Variants in MYH9 observed in about 807,000 individuals in gnomAD.
The protein encoded by MYH9 is myosin heavy chain 9, also known as myosin-9.
In MYH9, 29 loss-of-function variants were observed where a neutral mutation model predicts 241.9. The observed-to-expected ratio is 0.12, with a 90% confidence interval of 0.09 to 0.16. The LOEUF (loss-of-function observed/expected upper bound fraction) is 0.16, where lower values mean the gene tolerates loss of function less well. Among genes scored for constraint, MYH9 ranks in the 10% least tolerant of loss-of-function variants. MYH9 has a pLI of 1.00. For missense variants in MYH9, 1,803 were observed against 2,595.5 expected (o/e 0.69, Z 6.63); for synonymous variants, 1,047 against 1,062.6 (o/e 0.99, Z 0.29).
At chr22:36,347,890 T>G (rs1204121344) in intron 2 of MYH9, among the ~76,000 whole-genome samples, 1 of 150,544 alleles carries the variant, frequency 6.6e-6, no homozygotes, top group Non-Finnish European at 1.5e-5. Flanking sequence ...GATCCAGTGA[T>G]GCAAGAGGAA....
At position 36,327,449 on chromosome 22, in the gene MYH9, A is replaced by G. The variant is rs767871295; in HGVS notation, c.518+12T>C. On this transcript the variant is annotated intron_variant, in intron 4 of 40. Coordinates refer to ENST00000216181, the MANE Select transcript of MYH9 (RefSeq NM_002473.6). ...GTGAAACGAACCACTACCCAGACGG[A>G]GAAATACTTACGTGCACAAGATGGA... 6.2e-7 allele frequency: 1 copy of G among 1,614,050 alleles called. No homozygotes were observed. The highest frequency in any genetic ancestry group is 1.7e-5 in the Admixed American group (1 of 60,028).
At chr22:36,367,428 AT>A in intron 1 of MYH9, among the ~76,000 whole-genome samples, 1 of 152,328 alleles carries the variant, frequency 6.6e-6, no homozygotes, top group East Asian at 1.9e-4. Flanking sequence ...CCCTGGACAT[AT>A]AGAAGGCATG....
chr22:36,350,664 T>C (rs1223732151), intron 1 of MYH9, among the ~76,000 whole-genome samples: 2 of 152,202 alleles, frequency 1.3e-5, no homozygotes, highest in Non-Finnish European at 2.9e-5. Context: ...CCAGGTAAGG[T>C]ATATATTATT....
chr22:36,291,329 G>A (rs2016698614), intron 31 of MYH9, among the ~76,000 whole-genome samples: 1 of 152,214 alleles, frequency 6.6e-6, no homozygotes, highest in Non-Finnish European at 1.5e-5. Flanking sequence ...ATTTTGTTGT[G>A]TACAAGAAAA....
intron 4 of MYH9, 73 bp from the exon 5 acceptor site, chr22:36,326,734 C>G: frequency 7.9e-7 from 1 of 1,263,314 alleles, no homozygotes; most frequent in South Asian, 1.2e-5. Context: ...TCCCACTGCA[C>G]GCTCCACTGC....
Position 36,349,183 on chromosome 22 carries a change from G to C in MYH9, c.54C>G (p.Asn18Lys), listed in dbSNP as rs748468366. The C allele has an allele frequency of 1.9e-6, 3 of 1,614,108 alleles. No individual in the cohort carries two copies. The highest frequency in any genetic ancestry group is 2.5e-6 in the Non-Finnish European group (3 of 1,180,044). Residue 18 changes from asparagine (N) to lysine (K), a missense_variant, in exon 2 of 41, where the codon AAC becomes AAG. Coordinates refer to ENST00000216181, the MANE Select transcript of MYH9 (RefSeq NM_002473.6). ...KYLYVDKNFI[N>K]NPLAQADWAA... is the part of the protein sequence containing the mutation. The stretch of plus-strand genomic sequence containing the variant: ...CCCAGTCGGCCTGGGCCAGCGGATT[G>C]TTGATGAAGTTTTTATCCACATAGA...
In MYH9 at chr22:36,286,821, T is replaced by C. The variant is rs780486984; in HGVS notation, c.4958A>G (p.Glu1653Gly). 1 of 1,610,266 alleles carries C rather than the reference T, an allele frequency of 6.2e-7. No homozygotes were observed. The highest frequency in any genetic ancestry group is 1.7e-5 in the Admixed American group (1 of 60,024). Residue 1653 changes from glutamate to glycine, a missense_variant, in exon 35 of 41, where the codon GAG (glutamate) becomes GGG (glycine). By Grantham distance (98) the Glu-to-Gly change is moderately conservative. This residue lies in a region of MYH9 where 876 missense variants were observed against 1,077.8 expected (regional missense o/e 0.81). Coordinates refer to ENST00000216181, the MANE Select transcript of MYH9 (RefSeq NM_002473.6). Reference protein sequence around the residue: ...LQAQMKDCMRELDDTRASREE... With the variant: ...LQAQMKDCMRGLDDTRASREE... ...ACGAGAGGCGCGGGTGTCATCCAGC[T>C]CGCGCATGCAGTCCTTCATCTGGGC...
intron 1 of MYH9, among the ~76,000 whole-genome samples, chr22:36,366,331 T>C (rs955583235): frequency 6.6e-6 from 1 of 151,566 alleles, no homozygotes; most frequent in Non-Finnish European, 1.5e-5. Flanking sequence ...TAAGATCACA[T>C]AGCCAGGCCA....
At chr22:36,383,822 T>C (rs2018296369) in intron 1 of MYH9, among the ~76,000 whole-genome samples, 1 of 151,866 alleles carries the variant, frequency 6.6e-6, no homozygotes, top group Non-Finnish European at 1.5e-5. Context: ...TAGCCACGCA[T>C]GGTGGCGGGC....
intron 1 of MYH9, among the ~76,000 whole-genome samples, chr22:36,355,457 C>G (rs1392190904): frequency 6.6e-6 from 1 of 152,154 alleles, no homozygotes; most frequent in African/African-American, 2.4e-5. Flanking sequence ...AAATGAACAG[C>G]TAGCACCTTA....
At position 36,293,460 on chromosome 22, in the gene MYH9, G is replaced by T. The variant is rs201269631; in HGVS notation, c.3964C>A (p.Arg1322=). 1.2e-6 allele frequency: 2 copies of T among 1,613,508 alleles called. No individual in the cohort carries two copies. The highest frequency in any genetic ancestry group is 8.5e-7 in the Non-Finnish European group (1 of 1,180,004). Residue 1322 remains arginine, a synonymous_variant, in exon 30 of 41, where the codon CGG becomes AGG. Transcript: ENST00000216181. The surrounding 1 kb of genome is among the most constrained non-coding windows in gnomAD (Gnocchi z 5.1). ...TTGGTGCTCAGGCTCAGCTTCTGCC[G>T]GTTCTCCTCCTGCAGCAGCTCCTAC... is the stretch of plus-strand genomic sequence containing the variant. The part of the protein sequence containing the change: ...DTQELLQEEN[R]QKLSLSTKLK...
intron 3 of MYH9, among the ~76,000 whole-genome samples, chr22:36,332,686 A>G (rs1281179328): frequency 6.6e-6 from 1 of 151,198 alleles, no homozygotes; most frequent in East Asian, 1.9e-4. Context: ...AAAAAAAAAA[A>G]AAAACCTCAA....
chr22:36,291,399 A>C (rs2016700420), intron 31 of MYH9, among the ~76,000 whole-genome samples: 1 of 152,092 alleles, frequency 6.6e-6, no homozygotes, highest in Admixed American at 6.5e-5. Context: ...GTGCTCTCTG[A>C]AACATGTGCT....
chr22:36,297,959 A>C (rs1310413206), intron 24 of MYH9, among the ~76,000 whole-genome samples: 1 of 152,062 alleles, frequency 6.6e-6, no homozygotes, highest in Non-Finnish European at 1.5e-5. Flanking sequence ...ATTAGTGTCA[A>C]CCTTTCATGT....
rs567670380 is a variant in MYH9, at chr22:36,308,514, T to A, written c.1843+768A>T. ...GTCTCAAACTCCTGGCCTCAAGCAA[T>A]CCTCCCGCCTCAGCCTCCCAGATTG... is the stretch of plus-strand genomic sequence containing the variant. On this transcript the variant is annotated intron_variant, in intron 15 of 40. Coordinates refer to ENST00000216181, the MANE Select transcript of MYH9 (RefSeq NM_002473.6). 2.0e-4 allele frequency among the ~76,000 whole-genome samples: 31 copies of A among 151,954 alleles called. 1 individual carries two copies. The South Asian group carries it at 6.4e-3, about 32-fold the overall frequency.
At chr22:36,365,441 A>G (rs1039835328) in intron 1 of MYH9, among the ~76,000 whole-genome samples, 1 of 151,894 alleles carries the variant, frequency 6.6e-6, no homozygotes, top group Non-Finnish European at 1.5e-5. Context: ...GGGCCCCAAC[A>G]TTTATCTTAA....
Position 36,285,006 on chromosome 22 carries a change from C to T in MYH9, c.5483+115G>A. ...AGGGCCCCATCAGGAGGGAGGGAAA[C>T]AGCCCCAGGCTCAGGAGACAGAGAG... On this transcript the variant is annotated intron_variant, in intron 38 of 40. Coordinates refer to ENST00000216181, the MANE Select transcript of MYH9 (RefSeq NM_002473.6). This position sits in a 1 kb window ranked among gnomAD's most constrained non-coding sequence, Gnocchi z 7.0. 2 of 1,002,686 alleles carry T rather than the reference C, an allele frequency of 2.0e-6. No homozygotes were observed. Among genetic ancestry groups the T allele is most frequent in the Admixed American group, 2.1e-5 (1 of 47,602 alleles). 62.1% of individuals were successfully genotyped at this position (1,002,686 alleles called of 1,614,324 possible).
intron 2 of MYH9, among the ~76,000 whole-genome samples, chr22:36,345,352 G>T (rs1262700431): frequency 1.3e-5 from 2 of 149,364 alleles, no homozygotes; most frequent in Non-Finnish European, 3.0e-5. Flanking sequence ...AATCCTCGCA[G>T]ATGAGGAAGT....
chr22:36,293,193 A>G lies in MYH9; in HGVS notation c.4095+136T>C. ...TTCCTTGAGAGCACTGATGTGGGAG[A>G]GCACGGTTGGCTTCCCAGGGGGAGA... On this transcript the variant is annotated intron_variant, in intron 30 of 40. Transcript: ENST00000216181. This position sits in a 1 kb window ranked among gnomAD's most constrained non-coding sequence, Gnocchi z 5.1. The G allele has an allele frequency of 9.5e-7, 1 of 1,048,242 alleles. No homozygotes were observed. Among genetic ancestry groups the G allele is most frequent in the South Asian group, 1.4e-5 (1 of 70,092 alleles). 64.9% of individuals were successfully genotyped at this position (1,048,242 alleles called of 1,614,324 possible). A position where few individuals can be genotyped will look rare whatever the true frequency, so the allele number is the denominator to read the frequency against.
Sources: gnomAD v4.1 joint callset for allele counts (sites outside exome capture counted in the v4.1 genomes callset) on GRCh38, gnomAD v4.1.1 for gene constraint, gnomAD v4.1.1 regional missense constraint, Gnocchi (gnomAD v3.1) non-coding constraint, MANE v1.5 for transcripts, NCBI Gene and HGNC (gene_info 2026-07-23, HGNC 2026-07-21) for gene names.